TSNARE1: variants seen among roughly 807,000 people sequenced by gnomAD.
TSNARE1 encodes t-SNARE domain containing 1, also known as t-SNARE domain-containing protein 1.
Under a neutral mutation model 62.0 loss-of-function variants are expected in TSNARE1, and 49 were observed. The observed-to-expected ratio is 0.79, with a 90% CI of 0.63 to 1.00. The LOEUF (loss-of-function observed/expected upper bound fraction) is 1.00, where lower values mean the gene tolerates loss of function less well. Ranked by LOEUF, TSNARE1 falls within the 50% of genes least tolerant of loss-of-function variation. The probability of loss-of-function intolerance (pLI) is 0.00; values close to 1 mark genes in which losing one functional copy is unlikely to be tolerated. For missense variants in TSNARE1, 755 were observed against 700.1 expected (o/e 1.08, Z -0.88); for synonymous variants, 328 against 294.4 (o/e 1.11, Z -1.17).
At chr8:142,227,344 A>AT (rs1816875105) in intron 13 of TSNARE1, among the ~76,000 whole-genome samples, 1 of 80,392 alleles carries the variant, frequency 1.2e-5, no homozygotes, top group African/African-American at 1.1e-4. Context: ...CAGGACCCCC[A>AT]TCCTGCCCAT....
chr8:142,249,002 A>G (rs1818023811), intron 12 of TSNARE1, among the ~76,000 whole-genome samples: 1 of 152,216 alleles, frequency 6.6e-6, no homozygotes, highest in African/African-American at 2.4e-5. Flanking sequence ...GGCCTTGGGC[A>G]GGACATCCAC....
chr8:142,342,171 TAA>T (rs1296576769), intron 4 of TSNARE1, among the ~76,000 whole-genome samples: 1 of 152,198 alleles, frequency 6.6e-6, no homozygotes, highest in Non-Finnish European at 1.5e-5. Flanking sequence ...GGCTGCCCCA[TAA>T]AGACCTCCCT....
chr8:142,322,815 G>A (rs1829662869), intron 6 of TSNARE1, among the ~76,000 whole-genome samples: 1 of 152,152 alleles, frequency 6.6e-6, no homozygotes, highest in African/African-American at 2.4e-5. Flanking sequence ...CCGTGTCTGT[G>A]GGTTGGACAA....
intron 13 of TSNARE1, among the ~76,000 whole-genome samples, chr8:142,218,866 G>A (rs1816073612): frequency 6.6e-6 from 1 of 152,210 alleles, no homozygotes; most frequent in East Asian, 1.9e-4. Context: ...ACTCTCTTCT[G>A]TGGATTTAAC....
chr8:142,372,655 T>A (rs924024014), intron 1 of TSNARE1, among the ~76,000 whole-genome samples: 3 of 152,140 alleles, frequency 2.0e-5, no homozygotes, highest in Non-Finnish European at 2.9e-5. Context: ...GAAATGGTCT[T>A]AGCAATGCTG....
At chr8:142,226,968 C>T (rs564513236) in intron 13 of TSNARE1, among the ~76,000 whole-genome samples, 27 of 130,956 alleles carry the variant, frequency 2.1e-4, no homozygotes, top group African/African-American at 1.1e-3. Flanking sequence ...TGCACCCACA[C>T]GGCAGTGACA....
chr8:142,276,380 T>C, intron 11 of TSNARE1: 1 of 985,352 alleles, frequency 1.0e-6, no homozygotes, highest in Non-Finnish European at 1.2e-6. Context: ...CCCCCACAAT[T>C]GCCACTCAGG....
At chr8:142,247,633 C>T (rs1325970178) in intron 12 of TSNARE1, 3 of 152,202 alleles carry the variant, frequency 2.0e-5, no homozygotes, top group Admixed American at 6.5e-5. Context: ...GGTGGCTATT[C>T]GCAGGTGCAA....
chr8:142,330,998 G>A lies in TSNARE1; in HGVS notation c.824-28C>T, dbSNP rs774270171. 3.7e-6 allele frequency: 6 copies of A among 1,609,944 alleles called. No homozygotes were observed. In the Admixed American group the frequency reaches 8.3e-5, roughly 22 times the overall value. ...GCCCGAGAGAAGAGGGACAGGGTGA[G>A]GGCAGAAGGAGCTTCCCTGCCCCCT... On this transcript the variant is annotated intron_variant, in intron 5 of 13. Transcript: ENST00000524325.
intron 2 of TSNARE1, among the ~76,000 whole-genome samples, chr8:142,349,191 C>G (rs924816868): frequency 1.3e-5 from 2 of 152,204 alleles, no homozygotes; most frequent in South Asian, 4.1e-4. Context: ...GATGTGTGTT[C>G]GGGTTTGAAA....
chr8:142,230,696 C>A (rs1817059374), intron 12 of TSNARE1, among the ~76,000 whole-genome samples: 1 of 152,074 alleles, frequency 6.6e-6, no homozygotes, highest in African/African-American at 2.4e-5. Flanking sequence ...AAAGGACAAG[C>A]CAAGGATGAG....
intron 12 of TSNARE1, chr8:142,269,423 C>A (rs1363474238): frequency 2.0e-6 from 2 of 985,394 alleles, no homozygotes; most frequent in East Asian, 2.3e-4. Context: ...CAGGTTAAGA[C>A]TGTAACGCAA....
intron 12 of TSNARE1, among the ~76,000 whole-genome samples, chr8:142,242,906 G>A (rs1276965986): frequency 7.5e-6 from 1 of 134,176 alleles, no homozygotes; most frequent in East Asian, 2.2e-4. Context: ...AGGTTGCAGT[G>A]AGCTGAGATC....
chr8:142,258,762 T>C (rs543121014), intron 12 of TSNARE1, among the ~76,000 whole-genome samples: 1 of 152,174 alleles, frequency 6.6e-6, no homozygotes, highest in Non-Finnish European at 1.5e-5. Flanking sequence ...CCTCAAGTGA[T>C]CCACCCACCT....
intron 1 of TSNARE1, among the ~76,000 whole-genome samples, chr8:142,389,861 G>A (rs896503854): frequency 3.9e-5 from 6 of 152,202 alleles, no homozygotes; most frequent in Admixed American, 1.3e-4. Context: ...ACAATCTGAG[G>A]ACTGTATCAT....
chr8:142,382,379 C>T (rs1012785906), intron 1 of TSNARE1, among the ~76,000 whole-genome samples: 6 of 152,216 alleles, frequency 3.9e-5, no homozygotes. Flanking sequence ...CTCTTTCTCC[C>T]TCCCAACCTC....
intron 3 of TSNARE1, 23 bp downstream of exon 3, chr8:142,345,720 G>A: frequency 6.4e-7 from 1 of 1,560,826 alleles, no homozygotes; most frequent in Non-Finnish European, 8.7e-7. Context: ...GGACCCCTGA[G>A]ACCCAGCGTC....
chr8:142,318,601 A>G lies in TSNARE1; in HGVS notation c.927T>C (p.Ile309=), dbSNP rs2131704732. ...HTAQQETNKT[I]AASASSVKQM... ...GCTTCACGGAGCTGGCGCTGGCTGC[A>G]ATGGTCTTGTTGGTCTCCTGCTGTG... The change falls in exon 7 of 14, where the codon ATT becomes ATC. Residue 309 remains isoleucine (I), a synonymous_variant. Coordinates refer to ENST00000524325, the MANE Select transcript of TSNARE1 (RefSeq NM_145003.5). 1 of 1,613,710 alleles carries G rather than the reference A, an allele frequency of 6.2e-7. No homozygotes were observed. The highest frequency in any genetic ancestry group is 8.5e-7 in the Non-Finnish European group (1 of 1,179,986).
chr8:142,244,820 AG>A (rs1237257356), intron 12 of TSNARE1, among the ~76,000 whole-genome samples: 55 of 152,334 alleles, frequency 3.6e-4, no homozygotes, highest in African/African-American at 1.3e-3. Flanking sequence ...TGCCACTCGC[AG>A]GGGAGCAGAG....
Sources: allele counts gnomAD v4.1 joint callset (sites outside exome capture counted in the v4.1 genomes callset), GRCh38; gene constraint gnomAD v4.1.1; transcripts MANE v1.5; gene names NCBI Gene and HGNC (gene_info 2026-07-23, HGNC 2026-07-21).